LARP4: variants seen among roughly 807,000 people sequenced by gnomAD.
LARP4 encodes La ribonucleoprotein 4.
A neutral mutation model predicts 92.9 loss-of-function variants in LARP4; 29 were observed. The ratio of observed to expected loss-of-function variants is 0.31; its 90% CI spans 0.23 to 0.43. The LOEUF is 0.43. Among genes scored for constraint, LARP4 ranks in the 20% least tolerant of loss-of-function variants. The probability of loss-of-function intolerance (pLI) is 1.00; values close to 1 mark genes in which losing one functional copy is unlikely to be tolerated. For synonymous variants in LARP4, 279 were observed against 284.1 expected (o/e 0.98, Z 0.18); for missense variants, 732 against 860.0 (o/e 0.85, Z 1.86).
intron 1 of LARP4, among the ~76,000 whole-genome samples, chr12:50,409,710 A>G (rs1308109350): frequency 6.6e-6 from 1 of 151,864 alleles, no homozygotes; most frequent in Non-Finnish European, 1.5e-5. Flanking sequence ...GGTTGCAGTG[A>G]GCTGAGATTG....
chr12:50,477,259 T>A lies in LARP4; in HGVS notation c.*1395T>A, dbSNP rs1471839238. On this transcript the variant is annotated 3_prime_UTR_variant, in exon 16 of 16. Coordinates refer to ENST00000398473, the MANE Select transcript of LARP4 (RefSeq NM_052879.5). ...CATATACTAAATAGACAAGTTTACATGCTGTTATTTAGAAAATGACTAAAA... is the reference window on the plus strand; with the variant it reads ...CATATACTAAATAGACAAGTTTACAAGCTGTTATTTAGAAAATGACTAAAA... 6 of 152,532 alleles carry A rather than the reference T, an allele frequency of 3.9e-5. 1 individual carries two copies. The East Asian group carries it at 9.6e-4, about 24-fold the overall frequency. 9.4% of individuals were successfully genotyped at this position (152,532 alleles called of 1,614,324 possible).
chr12:50,424,918 G>A (rs1042931551), intron 1 of LARP4, among the ~76,000 whole-genome samples: 1 of 151,858 alleles, frequency 6.6e-6, no homozygotes, highest in Non-Finnish European at 1.5e-5. Context: ...AGGCCGAGGT[G>A]GGTGGATCAC....
At chr12:50,474,744 A>G (rs554259520) in intron 15 of LARP4, among the ~76,000 whole-genome samples, 1 of 152,342 alleles carries the variant, frequency 6.6e-6, no homozygotes, top group Non-Finnish European at 1.5e-5. Flanking sequence ...TGGGGCTAAC[A>G]TAAAGAGGCC....
At chr12:50,424,746 A>G (rs1948454962) in intron 1 of LARP4, among the ~76,000 whole-genome samples, 1 of 152,164 alleles carries the variant, frequency 6.6e-6, no homozygotes, top group Admixed American at 6.5e-5. Context: ...AAGAGTTAAG[A>G]AATTTTGCCA....
intron 8 of LARP4, among the ~76,000 whole-genome samples, chr12:50,451,229 C>G (rs1284595653): frequency 6.6e-6 from 1 of 152,196 alleles, no homozygotes; most frequent in Non-Finnish European, 1.5e-5. Flanking sequence ...CTGCCTCCCC[C>G]TATCCCTAGC....
chr12:50,407,172 C>T (rs764457230), intron 1 of LARP4, among the ~76,000 whole-genome samples: 8 of 152,106 alleles, frequency 5.3e-5, no homozygotes, highest in Non-Finnish European at 1.0e-4. Flanking sequence ...ACTACAGGCG[C>T]GTACCACCAC....
At position 50,477,627 on chromosome 12, in the gene LARP4, G is replaced by A. The variant is rs963793314; in HGVS notation, c.*1763G>A. Reference sequence around the variant, plus strand: ...GAAAACACTGCACATATCTGTACAAGCCAGAATTACTATTTCTTTGACTTA... The same window carrying A: ...GAAAACACTGCACATATCTGTACAAACCAGAATTACTATTTCTTTGACTTA... On this transcript the variant is annotated 3_prime_UTR_variant, in exon 16 of 16. Coordinates refer to ENST00000398473, the MANE Select transcript of LARP4 (RefSeq NM_052879.5). The A allele has an allele frequency of 2.6e-5, 4 of 152,478 alleles. No homozygotes were observed. Among genetic ancestry groups the A allele is most frequent in the African/African-American group, 9.7e-5 (4 of 41,432 alleles). The allele number at this position is 152,478 out of a possible 1,614,324, so 9.4% of individuals were successfully genotyped here.
chr12:50,443,026 A>C (rs866566335), intron 8 of LARP4, among the ~76,000 whole-genome samples: 6 of 152,286 alleles, frequency 3.9e-5, no homozygotes, highest in South Asian at 2.1e-4. Flanking sequence ...AGTCTTCTTA[A>C]TAGCTTTAAA....
chr12:50,407,146 C>T lies in LARP4; in HGVS notation c.18+6118C>T, dbSNP rs187070386. The stretch of plus-strand genomic sequence containing the variant: ...GTTCAAGCGATTCTTCTGCCTCAGC[C>T]TCCTGAGTAGCTGGGACTACAGGCG... On this transcript the variant is annotated intron_variant, in intron 1 of 15. Coordinates refer to ENST00000398473, the MANE Select transcript of LARP4 (RefSeq NM_052879.5). Among the ~76,000 whole-genome samples the T allele has an allele frequency of 5.6e-3, 860 of 152,262 alleles. 10 individuals carry two copies. The highest frequency in any genetic ancestry group is 0.02 in the African/African-American group (821 of 41,530).
At chr12:50,418,911 G>C (rs1041728694) in intron 1 of LARP4, among the ~76,000 whole-genome samples, 3 of 152,150 alleles carry the variant, frequency 2.0e-5, no homozygotes, top group Non-Finnish European at 4.4e-5. Context: ...GTAGAGGGGG[G>C]TGGTCTTCCT....
intron 4 of LARP4, among the ~76,000 whole-genome samples, chr12:50,431,855 A>G (rs1015793314): frequency 6.6e-6 from 1 of 152,082 alleles, no homozygotes; most frequent in Non-Finnish European, 1.5e-5. Context: ...AAAAACAAGG[A>G]AACAAAAACA....
chr12:50,423,150 T>C (rs1488234942), intron 1 of LARP4, among the ~76,000 whole-genome samples: 1 of 152,144 alleles, frequency 6.6e-6, no homozygotes, highest in Non-Finnish European at 1.5e-5. Context: ...TTTGCCAAAC[T>C]AGTAAATATA....
At chr12:50,449,934 T>TTC (rs1952858947) in intron 8 of LARP4, among the ~76,000 whole-genome samples, 1 of 134,348 alleles carries the variant, frequency 7.4e-6, no homozygotes, top group South Asian at 2.6e-4. Flanking sequence ...TTTTTTTTTT[T>TTC]TTTTTTTTTT....
intron 1 of LARP4, chr12:50,401,266 C>T: frequency 3.5e-6 from 2 of 579,178 alleles, no homozygotes; most frequent in African/African-American, 1.9e-5. Context: ...AAACGGAGGG[C>T]TGTTCTGGTG....
At position 50,438,456 on chromosome 12, in the gene LARP4, A is replaced by G. The variant is rs140475927; in HGVS notation, c.639+618A>G. The stretch of plus-strand genomic sequence containing the variant: ...CAGTGAGCTGAGATCAAGCCACTGC[A>G]CTCTAGCCTGGGTTACAGAGTGAGA... On this transcript the variant is annotated intron_variant, in intron 6 of 15. Coordinates refer to ENST00000398473, the MANE Select transcript of LARP4 (RefSeq NM_052879.5). Among the ~76,000 whole-genome samples, 1,051 of 149,778 alleles carry G rather than the reference A, an allele frequency of 7.0e-3. 4 individuals carry two copies. The highest frequency in any genetic ancestry group is 0.018 in the Middle Eastern group (5 of 276).
Position 50,476,097 on chromosome 12 carries a change from C to T in LARP4, c.*233C>T, listed in dbSNP as rs552423330. On this transcript the variant is annotated 3_prime_UTR_variant, in exon 16 of 16. Coordinates refer to ENST00000398473, the MANE Select transcript of LARP4 (RefSeq NM_052879.5). The stretch of plus-strand genomic sequence containing the variant: ...ATAAATATATATATATATATACACA[C>T]ACATATATAAAAAGTATAATTTTTC... 1.2e-4 allele frequency: 26 copies of T among 215,390 alleles called. 1 individual carries two copies. In the South Asian group the frequency reaches 4.6e-3, roughly 38 times the overall value. The allele number at this position is 215,390 out of a possible 1,614,324, so 13.3% of individuals were successfully genotyped here. A position where few individuals can be genotyped will look rare whatever the true frequency, so the allele number is the denominator to read the frequency against.
chr12:50,437,721 C>T lies in LARP4; in HGVS notation c.536-14C>T. ...TTGTCACGTTTGAGTGATACCCTTT[C>T]TTTTAAATTTCAGCTTCTCCCATGG... On this transcript the variant is annotated splice_polypyrimidine_tract_variant and intron_variant, in intron 5 of 15. Transcript: ENST00000398473. 1.3e-6 allele frequency: 2 copies of T among 1,499,498 alleles called. No individual in the cohort carries two copies. The highest frequency in any genetic ancestry group is 1.9e-6 in the Non-Finnish European group (2 of 1,080,654). 92.9% of individuals were successfully genotyped at this position (1,499,498 alleles called of 1,614,324 possible). A position where few individuals can be genotyped will look rare whatever the true frequency, so the allele number is the denominator to read the frequency against.
intron 15 of LARP4, among the ~76,000 whole-genome samples, chr12:50,474,693 G>A (rs1475000487): frequency 6.6e-6 from 1 of 152,092 alleles, no homozygotes; most frequent in East Asian, 1.9e-4. Flanking sequence ...ATGGTTAAGT[G>A]AAGCTTCTTC....
chr12:50,442,330 A>C (rs1024051833), intron 8 of LARP4, among the ~76,000 whole-genome samples: 2 of 152,220 alleles, frequency 1.3e-5, no homozygotes, highest in Admixed American at 1.3e-4. Flanking sequence ...AACCATTTGG[A>C]AACCTAGGCA....
Sources: gnomAD v4.1 joint callset for allele counts (sites outside exome capture counted in the v4.1 genomes callset) on GRCh38, gnomAD v4.1.1 for gene constraint, MANE v1.5 for transcripts, NCBI Gene and HGNC (gene_info 2026-07-23, HGNC 2026-07-21) for gene names.